TBX19: variants seen among roughly 807,000 people sequenced by gnomAD.
TBX19 encodes T-box transcription factor 19.
TBX19 carries 33 observed loss-of-function variants against 40.9 expected under a neutral mutation model. That is an observed-to-expected ratio of 0.81 (90% confidence interval 0.61 to 1.08). The LOEUF (loss-of-function observed/expected upper bound fraction) is 1.08, where lower values mean the gene tolerates loss of function less well. TBX19 is among the 50% of genes least tolerant of loss of function. The pLI, the probability that TBX19 is intolerant of heterozygous loss-of-function variation, is 0.00. For synonymous variants in TBX19, 220 were observed against 225.0 expected (o/e 0.98, Z 0.20); for missense variants, 494 against 574.0 (o/e 0.86, Z 1.42).
chr1:168,299,307 A>G (rs1285365099), intron 4 of TBX19, among the ~76,000 whole-genome samples: 1 of 152,104 alleles, frequency 6.6e-6, no homozygotes, highest in African/African-American at 2.4e-5. Context: ...TAATATGATT[A>G]TCTTTTTAAT....
At chr1:168,293,042 G>A in intron 2 of TBX19, 102 bp from the exon 3 acceptor site, 3 of 1,587,530 alleles carry the variant, frequency 1.9e-6, no homozygotes, top group African/African-American at 1.3e-5. Context: ...CCCTAACCGG[G>A]GTGGTGCTAA....
intron 1 of TBX19, among the ~76,000 whole-genome samples, chr1:168,282,599 T>G (rs1648688435): frequency 6.6e-6 from 1 of 152,200 alleles, no homozygotes; most frequent in East Asian, 1.9e-4. Context: ...TGACCTGTAT[T>G]TACACATTAT....
chr1:168,285,296 CA>C (rs1558188880), intron 1 of TBX19, among the ~76,000 whole-genome samples: 154 of 146,012 alleles, frequency 1.1e-3, no homozygotes, highest in African/African-American at 4.0e-3. Flanking sequence ...CACACACACA[CA>C]CACCCCTCTA....
chr1:168,306,374 T>C (rs1318050445), intron 6 of TBX19, among the ~76,000 whole-genome samples: 1 of 152,110 alleles, frequency 6.6e-6, no homozygotes, highest in Non-Finnish European at 1.5e-5. Flanking sequence ...ACGCCTGTAA[T>C]CCCAGCACTT....
At position 168,312,698 on chromosome 1, in the gene TBX19, G is replaced by T; in HGVS notation, c.1053-10G>T. ...GAACATTCCCTTCCCCTCTTTCTCT[G>T]TCTCTGCAGCCCCTACCCGTGCCTG... On this transcript the variant is annotated splice_polypyrimidine_tract_variant and intron_variant, in intron 7 of 7. Transcript: ENST00000367821. The T allele has an allele frequency of 1.2e-6, 2 of 1,609,876 alleles. No individual in the cohort carries two copies. The highest frequency in any genetic ancestry group is 1.1e-5 in the South Asian group (1 of 91,058).
chr1:168,309,754 G>C (rs543615064), intron 7 of TBX19, among the ~76,000 whole-genome samples: 40 of 152,254 alleles, frequency 2.6e-4, no homozygotes, highest in South Asian at 6.2e-4. Context: ...AGGGGTTTGA[G>C]TCCCAGTTCT....
At position 168,313,023 on chromosome 1, in the gene TBX19, T is replaced by C. The variant is rs3885717; in HGVS notation, c.*21T>C. On this transcript the variant is annotated 3_prime_UTR_variant, in exon 8 of 8. Coordinates refer to ENST00000367821, the MANE Select transcript of TBX19 (RefSeq NM_005149.3). Reference sequence around the variant, plus strand: ...GTTAAGCAGGATCCTAGGAGCCTCTTTGCACAGCGATCCTTCCATGTGTAG... The same window carrying C: ...GTTAAGCAGGATCCTAGGAGCCTCTCTGCACAGCGATCCTTCCATGTGTAG... The C allele has an allele frequency of 9.9e-6, 16 of 1,613,428 alleles. No homozygotes were observed. The highest frequency in any genetic ancestry group is 1.3e-5 in the African/African-American group (1 of 74,838).
intron 3 of TBX19, 90 bp from the exon 4 acceptor site, chr1:168,297,634 G>C: frequency 8.6e-7 from 1 of 1,160,684 alleles, no homozygotes; most frequent in African/African-American, 1.5e-5. Context: ...AAAAGAGAGG[G>C]AATTAAACTG....
chr1:168,304,135 C>T (rs1649345436), intron 5 of TBX19, among the ~76,000 whole-genome samples: 1 of 152,212 alleles, frequency 6.6e-6, no homozygotes, highest in Non-Finnish European at 1.5e-5. Context: ...ACAAAGACCA[C>T]AGCGTTGCAA....
intron 7 of TBX19, 131 bp from the exon 8 acceptor site, chr1:168,312,577 G>GCGTC: frequency 9.5e-7 from 1 of 1,057,166 alleles, no homozygotes; most frequent in Non-Finnish European, 1.4e-6. Context: ...GTCATAGCTA[G>GCGTC]AAATAAAGCC....
At chr1:168,289,259 C>T (rs1324471800) in intron 1 of TBX19, among the ~76,000 whole-genome samples, 1 of 152,110 alleles carries the variant, frequency 6.6e-6, no homozygotes, top group South Asian at 2.1e-4. Context: ...CTGTTTTCTA[C>T]ACTTGGCCAA....
At chr1:168,286,022 A>T (rs1648798350) in intron 1 of TBX19, among the ~76,000 whole-genome samples, 1 of 152,238 alleles carries the variant, frequency 6.6e-6, no homozygotes, top group Non-Finnish European at 1.5e-5. Flanking sequence ...TTGCCATAAT[A>T]GGGAATGTAT....
At chr1:168,281,771 T>C (rs914848600) in intron 1 of TBX19, among the ~76,000 whole-genome samples, 2 of 152,222 alleles carry the variant, frequency 1.3e-5, no homozygotes, top group Non-Finnish European at 2.9e-5. Context: ...TGTAAACTCA[T>C]TGCCTATCAC....
chr1:168,310,414 G>C (rs990182636), intron 7 of TBX19, among the ~76,000 whole-genome samples: 1 of 152,096 alleles, frequency 6.6e-6, no homozygotes, highest in African/African-American at 2.4e-5. Flanking sequence ...TGGGGTTGTT[G>C]TTAAAATGCA....
At chr1:168,310,679 A>T (rs143206048) in intron 7 of TBX19, among the ~76,000 whole-genome samples, 5,200 of 146,654 alleles carry the variant, frequency 0.035, 140 homozygotes, top group East Asian at 0.12. Context: ...TATATAAAAA[A>T]ATATAAAATA....
At chr1:168,292,647 G>A (rs1206619347) in intron 2 of TBX19, among the ~76,000 whole-genome samples, 4 of 152,060 alleles carry the variant, frequency 2.6e-5, no homozygotes, top group East Asian at 1.9e-4. Flanking sequence ...GGCGGATCAC[G>A]AGGTCAGGAG....
chr1:168,312,866 G>A lies in TBX19; in HGVS notation c.1211G>A (p.Gly404Asp), dbSNP rs146641804. The change falls in exon 8 of 8, where the codon GGT becomes GAT. Residue 404 changes from glycine (G) to aspartate (D), a missense_variant. By Grantham distance (94) the Gly-to-Asp change is moderately conservative. Coordinates refer to ENST00000367821, the MANE Select transcript of TBX19 (RefSeq NM_005149.3). Reference protein sequence around the residue: ...VLSTQAPTSAGVEVLGEPSLT... With the variant: ...VLSTQAPTSADVEVLGEPSLT... ...TCCACCCAAGCACCCACTTCGGCTG[G>A]TGTGGAGGTTCTGGGGGAGCCCTCG... 1 of 1,614,278 alleles carries A rather than the reference G, an allele frequency of 6.2e-7. No homozygotes were observed. The highest frequency in any genetic ancestry group is 8.5e-7 in the Non-Finnish European group (1 of 1,180,058).
At chr1:168,296,867 T>C (rs1007938586) in intron 3 of TBX19, among the ~76,000 whole-genome samples, 1 of 145,162 alleles carries the variant, frequency 6.9e-6, no homozygotes. Context: ...GACTCCCGTC[T>C]CAAAAAAAAT....
intron 1 of TBX19, among the ~76,000 whole-genome samples, chr1:168,282,706 A>G (rs1648689978): frequency 6.6e-6 from 1 of 152,200 alleles, no homozygotes; most frequent in Admixed American, 6.5e-5. Flanking sequence ...ACCCTTTAAA[A>G]ATGGGCAAAG....
Sources: gnomAD v4.1 joint callset for allele counts (sites outside exome capture counted in the v4.1 genomes callset) on GRCh38, gnomAD v4.1.1 for gene constraint, MANE v1.5 for transcripts, NCBI Gene and HGNC (gene_info 2026-07-23, HGNC 2026-07-21) for gene names.